The following CYB5R4 variants were observed in gnomAD, a reference collection of about 807,000 sequenced individuals.
The protein encoded by CYB5R4 is cytochrome b5 reductase 4.
In CYB5R4, 55 loss-of-function variants were observed where a neutral mutation model predicts 70.2. The ratio of observed to expected loss-of-function variants is 0.78; its 90% CI spans 0.63 to 0.98. The LOEUF (loss-of-function observed/expected upper bound fraction) is 0.98. CYB5R4 is among the 50% of genes least tolerant of loss of function. The pLI is 0.00. For missense variants in CYB5R4, 562 were observed against 612.6 expected (o/e 0.92, Z 0.87); for synonymous variants, 197 against 199.5 (o/e 0.99, Z 0.11).
chr6:83,922,261 T>C (rs1405914437), intron 8 of CYB5R4, among the ~76,000 whole-genome samples, 177 bp from the exon 9 acceptor site: 1 of 152,238 alleles, frequency 6.6e-6, no homozygotes, highest in African/African-American at 2.4e-5. Context: ...AAAATGTATG[T>C]ATTTAAATGA....
chr6:83,876,633 G>T (rs2099458599), intron 2 of CYB5R4, among the ~76,000 whole-genome samples: 1 of 150,944 alleles, frequency 6.6e-6, no homozygotes, highest in African/African-American at 2.4e-5. Context: ...CCTTTTCTGT[G>T]CCTTATGCTG....
chr6:83,899,128 A>G (rs747530385), intron 3 of CYB5R4, among the ~76,000 whole-genome samples: 20 of 152,264 alleles, frequency 1.3e-4, no homozygotes, highest in Non-Finnish European at 1.9e-4. Flanking sequence ...TACTGTTTTG[A>G]GATATGTGGC....
chr6:83,879,270 G>A (rs547551767), intron 2 of CYB5R4, among the ~76,000 whole-genome samples: 2 of 152,134 alleles, frequency 1.3e-5, no homozygotes, highest in East Asian at 3.9e-4. Context: ...CAGGGCAAAG[G>A]GTCTAGGATG....
chr6:83,897,131 A>G (rs886623809), intron 3 of CYB5R4, among the ~76,000 whole-genome samples: 3 of 149,832 alleles, frequency 2.0e-5, no homozygotes, highest in African/African-American at 7.5e-5. Context: ...TCATTGTTCA[A>G]TTCCCACCTA....
chr6:83,900,216 C>T (rs1484441799), intron 3 of CYB5R4, among the ~76,000 whole-genome samples: 5 of 152,106 alleles, frequency 3.3e-5, no homozygotes, highest in African/African-American at 9.7e-5. Flanking sequence ...GCCTTCGTTT[C>T]GTTTTGTACC....
intron 3 of CYB5R4, among the ~76,000 whole-genome samples, chr6:83,904,767 A>G (rs1250930895): frequency 6.6e-6 from 1 of 152,184 alleles, no homozygotes; most frequent in Non-Finnish European, 1.5e-5. Flanking sequence ...CATGACGTCT[A>G]TCACTTTTGT....
chr6:83,861,607 G>C (rs555698131), intron 1 of CYB5R4, among the ~76,000 whole-genome samples: 1 of 152,250 alleles, frequency 6.6e-6, no homozygotes, highest in South Asian at 2.1e-4. Flanking sequence ...TAGGTTAATT[G>C]GTGTGTCTAA....
At chr6:83,902,656 C>T (rs1168014316) in intron 3 of CYB5R4, among the ~76,000 whole-genome samples, 1 of 152,048 alleles carries the variant, frequency 6.6e-6, no homozygotes, top group East Asian at 1.9e-4. Context: ...TCCATGAGCA[C>T]AGTATATCTT....
At chr6:83,888,525 G>A (rs184236620) in intron 2 of CYB5R4, among the ~76,000 whole-genome samples, 102 of 152,156 alleles carry the variant, frequency 6.7e-4, no homozygotes, top group Non-Finnish European at 1.2e-3. Context: ...TATTGTAATA[G>A]TTTTGGAGTG....
chr6:83,949,659 AT>A (rs2099471215), intron 14 of CYB5R4, among the ~76,000 whole-genome samples: 1 of 152,186 alleles, frequency 6.6e-6, no homozygotes, highest in South Asian at 2.1e-4. Context: ...GGAATTATGG[AT>A]TCTGAGGCTG....
chr6:83,929,950 C>T (rs774132069), intron 10 of CYB5R4, among the ~76,000 whole-genome samples: 5 of 151,948 alleles, frequency 3.3e-5, no homozygotes, highest in Non-Finnish European at 5.9e-5. Context: ...TCCAGACCAC[C>T]ACAATAGAGT....
chr6:83,875,914 A>G (rs1288580450), intron 2 of CYB5R4, among the ~76,000 whole-genome samples: 2 of 152,172 alleles, frequency 1.3e-5, no homozygotes, highest in African/African-American at 4.8e-5. Context: ...TCTAGAGGCT[A>G]GGTATGTCTG....
intron 5 of CYB5R4, among the ~76,000 whole-genome samples, chr6:83,917,230 G>A (rs2099465667): frequency 6.6e-6 from 1 of 152,068 alleles, no homozygotes; most frequent in African/African-American, 2.4e-5. Flanking sequence ...AAAGACAGAA[G>A]ACCACATGTT....
intron 5 of CYB5R4, among the ~76,000 whole-genome samples, chr6:83,915,514 T>C (rs2099465372): frequency 6.6e-6 from 1 of 152,186 alleles, no homozygotes; most frequent in Non-Finnish European, 1.5e-5. Context: ...TGCTTAATGA[T>C]TGATTACCGA....
Position 83,934,578 on chromosome 6 carries a change from A to G in CYB5R4, c.815-17A>G. 1 of 1,578,872 alleles carries G rather than the reference A, an allele frequency of 6.3e-7. No individual in the cohort carries two copies. The highest frequency in any genetic ancestry group is 2.2e-5 in the East Asian group (1 of 44,548). On this transcript the variant is annotated splice_polypyrimidine_tract_variant and intron_variant, in intron 10 of 15. Transcript: ENST00000369681. ...ATTACTTTATGTATCAATAAGAGAA[A>G]ATGAATCACTTTTTAGGTTTGTACT...
Position 83,963,408 on chromosome 6 carries a change from T to A in CYB5R4, c.*3530T>A, listed in dbSNP as rs1292015116. The A allele has an allele frequency of 6.6e-6, 1 of 152,174 alleles. No homozygotes were observed. Among genetic ancestry groups the A allele is most frequent in the African/African-American group, 2.4e-5 (1 of 41,442 alleles). The allele number at this position is 152,174 out of a possible 1,614,324, so 9.4% of individuals were successfully genotyped here. ...CCACACAAGCTTGTCCTGAACGAGGTTGGGGCTGAGTCTGTTGATAACAGA... is the reference window on the plus strand; with the variant it reads ...CCACACAAGCTTGTCCTGAACGAGGATGGGGCTGAGTCTGTTGATAACAGA... On this transcript the variant is annotated 3_prime_UTR_variant, in exon 16 of 16. Coordinates refer to ENST00000369681, the MANE Select transcript of CYB5R4 (RefSeq NM_016230.4).
intron 4 of CYB5R4, chr6:83,910,112 G>A: frequency 6.2e-7 from 1 of 1,605,094 alleles, no homozygotes; most frequent in Middle Eastern, 1.7e-4. Context: ...ATAGACACCA[G>A]GACCTATAGT....
At chr6:83,874,244 G>T (rs2099458158) in intron 2 of CYB5R4, among the ~76,000 whole-genome samples, 1 of 147,502 alleles carries the variant, frequency 6.8e-6, no homozygotes, top group African/African-American at 2.5e-5. Flanking sequence ...AGACTAAAGT[G>T]CAGTGGCATG....
intron 2 of CYB5R4, among the ~76,000 whole-genome samples, chr6:83,882,966 T>C (rs2099459701): frequency 6.6e-6 from 1 of 151,990 alleles, no homozygotes; most frequent in African/African-American, 2.4e-5. Context: ...AGAGTGAGAC[T>C]CCATCTCAAA....
Sources: allele counts gnomAD v4.1 joint callset (sites outside exome capture counted in the v4.1 genomes callset), GRCh38; gene constraint gnomAD v4.1.1; transcripts MANE v1.5; gene names NCBI Gene and HGNC (gene_info 2026-07-23, HGNC 2026-07-21).